The following ZNF215 variants were observed in gnomAD, a reference collection of about 807,000 sequenced individuals.
ZNF215 encodes BWSCR2-associated zinc finger protein 2.
A neutral mutation model predicts 27.2 loss-of-function variants in ZNF215; 24 were observed. The observed-to-expected ratio is 0.88, with a 90% CI of 0.64 to 1.24. The LOEUF (loss-of-function observed/expected upper bound fraction) is 1.24. Among genes scored for constraint, ZNF215 ranks in the 50% most tolerant of loss-of-function variants. ZNF215 has a pLI of 0.00. For missense variants in ZNF215, 675 were observed against 605.7 expected, an observed-to-expected ratio of 1.11 and a Z score of -1.20; for synonymous variants, 210 against 204.0, an observed-to-expected ratio of 1.03 and a Z score of -0.25.
At chr11:6,950,710 T>G (rs1164903222) in intron 6 of ZNF215, among the ~76,000 whole-genome samples, 25 of 151,050 alleles carry the variant, frequency 1.7e-4, no homozygotes, top group African/African-American at 6.1e-4. Flanking sequence ...TTTTCCTAAT[T>G]GAATACCCTT....
chr11:6,975,061 C>T (rs1850802573), intron 5 of ZNF215, among the ~76,000 whole-genome samples: 1 of 152,158 alleles, frequency 6.6e-6, no homozygotes, highest in South Asian at 2.1e-4. Context: ...TTTTGAGATA[C>T]ATCCCATCAA....
chr11:6,994,130 T>G (rs562331803), intron 6 of ZNF215, among the ~76,000 whole-genome samples: 1 of 151,980 alleles, frequency 6.6e-6, no homozygotes, highest in Admixed American at 6.6e-5. Flanking sequence ...GGCATTATAG[T>G]GCTGTTGTCT....
At chr11:6,966,547 A>G (rs1417715573) in intron 5 of ZNF215, among the ~76,000 whole-genome samples, 1 of 152,174 alleles carries the variant, frequency 6.6e-6, no homozygotes, top group Non-Finnish European at 1.5e-5. Flanking sequence ...TATAGGCATA[A>G]TATTCTATGG....
At chr11:6,992,429 C>T (rs141241349), downstream of ZNF215, among the ~76,000 whole-genome samples, 49 of 152,370 alleles carry the variant, frequency 3.2e-4, no homozygotes, top group South Asian at 8.3e-4. Context: ...GCTTCCGCAA[C>T]CATCAATAGG....
downstream of ZNF215, among the ~76,000 whole-genome samples, chr11:6,962,513 G>A (rs1850537422): frequency 1.3e-5 from 2 of 152,090 alleles, no homozygotes; most frequent in Non-Finnish European, 1.5e-5. Flanking sequence ...TCACATCCTT[G>A]GAAGTCCAAC....
chr11:6,969,618 C>T (rs1456713710), intron 5 of ZNF215, among the ~76,000 whole-genome samples: 1 of 151,594 alleles, frequency 6.6e-6, no homozygotes, highest in East Asian at 1.9e-4. Context: ...CAAATGAACC[C>T]AACTATATAT....
chr11:6,989,347 T>C (rs1445142792), downstream of ZNF215, among the ~76,000 whole-genome samples: 1 of 151,998 alleles, frequency 6.6e-6, no homozygotes, highest in Non-Finnish European at 1.5e-5. Flanking sequence ...ATAAAAGAAG[T>C]AGACATGGGT....
chr11:6,964,292 G>A (rs1746379688), intron 5 of ZNF215, among the ~76,000 whole-genome samples: 1 of 151,910 alleles, frequency 6.6e-6, no homozygotes, highest in Admixed American at 6.6e-5. Context: ...TTATAGTGTT[G>A]ATGAAGTTCA....
chr11:6,986,138 GC>G (rs1279020007), downstream of ZNF215, among the ~76,000 whole-genome samples: 1 of 152,170 alleles, frequency 6.6e-6, no homozygotes, highest in East Asian at 1.9e-4. Flanking sequence ...ATACTACAAT[GC>G]TACAGTAACC....
chr11:6,983,491 T>C (rs1273744999), intron 5 of ZNF215, among the ~76,000 whole-genome samples: 3 of 152,152 alleles, frequency 2.0e-5, no homozygotes, highest in Non-Finnish European at 4.4e-5. Context: ...TTGATGAACA[T>C]TGATGCAAAA....
At chr11:6,939,660 G>A (rs534407849) in intron 3 of ZNF215, among the ~76,000 whole-genome samples, 49 of 152,216 alleles carry the variant, frequency 3.2e-4, no homozygotes, top group Non-Finnish European at 6.2e-4. Flanking sequence ...ACTTGAGAAT[G>A]TATATAGATT....
intron 3 of ZNF215, among the ~76,000 whole-genome samples, chr11:6,941,263 G>T (rs1321555129): frequency 1.3e-5 from 2 of 152,198 alleles, no homozygotes; most frequent in Non-Finnish European, 2.9e-5. Flanking sequence ...CTTTAGTTAT[G>T]ACAGAATTAG....
intron 2 of ZNF215, among the ~76,000 whole-genome samples, chr11:6,928,425 A>G (rs1358259783): frequency 6.6e-6 from 1 of 152,176 alleles, no homozygotes; most frequent in Non-Finnish European, 1.5e-5. Context: ...TGTACATTTA[A>G]TGAGTTATAT....
downstream of ZNF215, among the ~76,000 whole-genome samples, chr11:6,984,841 T>A (rs1851028845): frequency 2.1e-5 from 2 of 94,996 alleles, 1 homozygote; most frequent in South Asian, 5.6e-4. Context: ...ATTTCTCTTA[T>A]AGAAATAAAA....
chr11:6,937,697 T>C (rs75119901), intron 3 of ZNF215, among the ~76,000 whole-genome samples: 1 of 151,948 alleles, frequency 6.6e-6, no homozygotes, highest in Non-Finnish European at 1.5e-5. Flanking sequence ...AATAAACTCA[T>C]ACATCTATGT....
downstream of ZNF215, among the ~76,000 whole-genome samples, chr11:6,958,869 A>C (rs1263113833): frequency 3.9e-5 from 6 of 152,328 alleles, no homozygotes; most frequent in Middle Eastern, 6.8e-3. Flanking sequence ...ACGAAGTAGT[A>C]GGCTGGAAGA....
chr11:6,953,738 C>T (rs1021959981), intron 6 of ZNF215, among the ~76,000 whole-genome samples: 7 of 152,238 alleles, frequency 4.6e-5, no homozygotes, highest in South Asian at 4.1e-4. Flanking sequence ...CTCAACTCGT[C>T]AAAGTCATTC....
intron 5 of ZNF215, among the ~76,000 whole-genome samples, chr11:6,976,618 A>G (rs1161548144): frequency 1.3e-5 from 2 of 152,028 alleles, no homozygotes; most frequent in East Asian, 1.9e-4. Context: ...AATTCCATTT[A>G]AGAAGAAATT....
At chr11:6,973,532 A>G (rs893378784) in intron 5 of ZNF215, among the ~76,000 whole-genome samples, 11 of 152,238 alleles carry the variant, frequency 7.2e-5, no homozygotes, top group Admixed American at 3.3e-4. Flanking sequence ...AAGTCTTCCT[A>G]TTTCTCCACA....
Sources: gnomAD v4.1 joint callset for allele counts (sites outside exome capture counted in the v4.1 genomes callset) on GRCh38, gnomAD v4.1.1 for gene constraint, MANE v1.5 for transcripts, NCBI Gene and HGNC (gene_info 2026-07-23, HGNC 2026-07-21) for gene names.